MANEA: variants seen among roughly 807,000 people sequenced by gnomAD.
MANEA encodes the protein mannosidase endo-alpha, also known as glycoprotein endo-alpha-1,2-mannosidase.
Under a neutral mutation model 36.8 loss-of-function variants are expected in MANEA, and 25 were observed. That is an observed-to-expected ratio of 0.68 (90% CI 0.50 to 0.95). The LOEUF (loss-of-function observed/expected upper bound fraction) is 0.95, where lower values mean the gene tolerates loss of function less well. Among genes scored for constraint, MANEA ranks in the 40% least tolerant of loss-of-function variants. MANEA has a pLI of 0.00. For synonymous variants in MANEA, 198 were observed against 188.5 expected (o/e 1.05, Z -0.41); for missense variants, 565 against 558.8 (o/e 1.01, Z -0.11).
chr6:95,602,028 A>G (rs1189788525), intron 3 of MANEA, among the ~76,000 whole-genome samples: 1 of 152,088 alleles, frequency 6.6e-6, no homozygotes, highest in Non-Finnish European at 1.5e-5. Context: ...AACATGTTAT[A>G]TTAGTCATGG....
chr6:95,582,105 TGTGATGTCA>T (rs1305209584), intron 1 of MANEA, among the ~76,000 whole-genome samples: 1 of 90,948 alleles, frequency 1.1e-5, no homozygotes, highest in East Asian at 9.0e-4. Context: ...AAATGTTTGT[TGTGATGTCA>T]ATGATTTGAA....
intron 1 of MANEA, among the ~76,000 whole-genome samples, chr6:95,579,172 C>CATCCT (rs1562193965): frequency 6.6e-6 from 1 of 152,128 alleles, no homozygotes. Context: ...AGATCGAGAC[C>CATCCT]ATCCTGGCCA....
In MANEA at chr6:95,606,136, C is replaced by A. The variant is rs369394365; in HGVS notation, c.1120C>A (p.Arg374=). 9.3e-6 allele frequency: 15 copies of A among 1,614,032 alleles called. No individual in the cohort carries two copies. In the African/African-American group the frequency reaches 1.1e-4, roughly 11 times the overall value. ...SIRPWNTQNT[R]NRINGKYYEI... is the part of the protein sequence containing the mutation. ...CCGTCCATGGAACACGCAAAACACT[C>A]GGAACCGAATCAATGGGAAGTATTA... The change falls in exon 5 of 5, where the codon CGG becomes AGG. Residue 374 remains arginine (R), a synonymous_variant. Transcript: ENST00000358812.
chr6:95,580,716 C>T (rs546330933), intron 1 of MANEA, among the ~76,000 whole-genome samples: 7 of 133,492 alleles, frequency 5.2e-5, no homozygotes, highest in East Asian at 4.4e-4. Context: ...CAGAGTGAGA[C>T]GCCGTCTCAA....
In MANEA at chr6:95,607,588, A is replaced by G. The variant is rs1239979258; in HGVS notation, c.*1183A>G. ...AAAACTAATACTTTCAATTTTTTAT[A>G]TAGTAATATCCCCATTTTGTAAATG... On this transcript the variant is annotated 3_prime_UTR_variant, in exon 5 of 5. Coordinates refer to ENST00000358812, the MANE Select transcript of MANEA (RefSeq NM_024641.4). The G allele has an allele frequency of 6.6e-6, 1 of 151,832 alleles. No homozygotes were observed. Among genetic ancestry groups the G allele is most frequent in the Non-Finnish European group, 1.5e-5 (1 of 67,814 alleles). The allele number at this position is 151,832 out of a possible 1,614,324, so 9.4% of individuals were successfully genotyped here. A position where few individuals can be genotyped will look rare whatever the true frequency, so the allele number is the denominator to read the frequency against.
At position 95,586,997 on chromosome 6, in the gene MANEA, A is replaced by ATG. The variant is rs768724517; in HGVS notation, c.544+15_544+16insGT. 9 of 1,422,638 alleles carry ATG rather than the reference A, an allele frequency of 6.3e-6. No individual in the cohort carries two copies. Among genetic ancestry groups the ATG allele is most frequent in the Non-Finnish European group, 8.8e-6 (9 of 1,026,950 alleles). The allele number at this position is 1,422,638 out of a possible 1,614,324, so 88.1% of individuals were successfully genotyped here. On this transcript the variant is annotated intron_variant, in intron 2 of 4. Transcript: ENST00000358812. ...CAGCTTCAATTGGTAATTATTGTAT[A>ATG]TATATATATGTGTGTTTGTGTCTGT...
chr6:95,595,905 G>A (rs1353722775), intron 2 of MANEA, among the ~76,000 whole-genome samples: 28 of 152,074 alleles, frequency 1.8e-4, no homozygotes, highest in Admixed American at 1.6e-3. Context: ...GCATATAAAT[G>A]TTTATAGCAG....
chr6:95,589,427 G>A (rs918453011), intron 2 of MANEA, among the ~76,000 whole-genome samples: 10 of 151,980 alleles, frequency 6.6e-5, no homozygotes, highest in South Asian at 4.2e-4. Context: ...CTGTTATATC[G>A]CAGAGTACAA....
chr6:95,598,463 G>T (rs983911052), intron 3 of MANEA, among the ~76,000 whole-genome samples: 2 of 152,096 alleles, frequency 1.3e-5, no homozygotes, highest in African/African-American at 2.4e-5. Context: ...TGCAGCAGGT[G>T]AACTGGAGAC....
chr6:95,606,194 G>T lies in MANEA; in HGVS notation c.1178G>T (p.Arg393Leu), dbSNP rs776851480. The change falls in exon 5 of 5, where the codon CGC becomes CTC. Residue 393 changes from arginine (R) to leucine (L), a missense_variant. Arg to Leu is a moderately radical substitution (Grantham distance 102). Coordinates refer to ENST00000358812, the MANE Select transcript of MANEA (RefSeq NM_024641.4). ...EIGLSAALQT[R>L]PSLISITSFN... ...GGTCTGAGTGCCGCACTTCAGACAC[G>T]CCCCAGCTTAATTTCTATCACCTCT... 18 of 1,613,966 alleles carry T rather than the reference G, an allele frequency of 1.1e-5. No individual in the cohort carries two copies. In the South Asian group the frequency reaches 1.5e-4, roughly 14 times the overall value.
intron 3 of MANEA, among the ~76,000 whole-genome samples, chr6:95,604,435 A>G (rs1486481540): frequency 6.6e-6 from 1 of 151,982 alleles, no homozygotes; most frequent in Non-Finnish European, 1.5e-5. Context: ...AAACATTTTT[A>G]TAAGGAGTAA....
chr6:95,602,888 C>T (rs1346411495), intron 3 of MANEA, among the ~76,000 whole-genome samples: 4 of 150,432 alleles, frequency 2.7e-5, no homozygotes, highest in South Asian at 4.2e-4. Context: ...GGCGCGGTGG[C>T]GGGCGCCTGT....
chr6:95,591,159 T>A (rs1442329698), intron 2 of MANEA, among the ~76,000 whole-genome samples: 1 of 152,234 alleles, frequency 6.6e-6, no homozygotes. Context: ...TTACATTTAT[T>A]CCATTTCTAC....
chr6:95,586,360 G>A (rs1401649561), intron 1 of MANEA, 42 bp from the exon 2 acceptor site: 1 of 1,162,566 alleles, frequency 8.6e-7, no homozygotes, highest in Non-Finnish European at 1.2e-6. Context: ...GGAAAATACT[G>A]TTGATAACAC....
chr6:95,579,592 G>A (rs1395440002), intron 1 of MANEA, among the ~76,000 whole-genome samples: 1 of 152,088 alleles, frequency 6.6e-6, no homozygotes, highest in Non-Finnish European at 1.5e-5. Context: ...TTTAAAAAAA[G>A]CACCAGAAGT....
intron 1 of MANEA, among the ~76,000 whole-genome samples, chr6:95,578,077 G>A (rs1769105114): frequency 1.3e-5 from 2 of 152,166 alleles, no homozygotes; most frequent in South Asian, 4.1e-4. Flanking sequence ...CGGGAGAGTA[G>A]AAGGATCGAG....
intron 2 of MANEA, among the ~76,000 whole-genome samples, chr6:95,591,798 G>A (rs1769390007): frequency 6.6e-6 from 1 of 152,032 alleles, no homozygotes; most frequent in Non-Finnish European, 1.5e-5. Context: ...CTGCCTCCTG[G>A]GTTCAAGCAA....
At chr6:95,596,919 A>G in intron 3 of MANEA, 73 bp downstream of exon 3, 2 of 649,260 alleles carry the variant, frequency 3.1e-6, no homozygotes, top group Non-Finnish European at 5.3e-6. Context: ...ACAATTTTTG[A>G]AATAGTAATT....
intron 2 of MANEA, among the ~76,000 whole-genome samples, chr6:95,589,672 T>C (rs1441338050): frequency 6.6e-6 from 1 of 152,176 alleles, no homozygotes; most frequent in Non-Finnish European, 1.5e-5. Context: ...TGTATTGCTG[T>C]ATTACAACTC....
Sources: allele counts gnomAD v4.1 joint callset (sites outside exome capture counted in the v4.1 genomes callset), GRCh38; gene constraint gnomAD v4.1.1; transcripts MANE v1.5; gene names NCBI Gene and HGNC (gene_info 2026-07-23, HGNC 2026-07-21).